Variants in B3GNT2 observed in about 807,000 individuals in gnomAD.
The protein encoded by B3GNT2 is N-acetyllactosaminide beta-1,3-N-acetylglucosaminyltransferase 2.
A neutral mutation model predicts 27.6 loss-of-function variants in B3GNT2; 12 were observed. That is an observed-to-expected ratio of 0.44 (90% CI 0.28 to 0.71). The LOEUF (loss-of-function observed/expected upper bound fraction) is 0.71, where lower values mean the gene tolerates loss of function less well. Ranked by LOEUF, B3GNT2 falls within the 30% of genes least tolerant of loss-of-function variation. The probability of loss-of-function intolerance (pLI) is 0.17; values close to 1 mark genes in which losing one functional copy is unlikely to be tolerated. For missense variants in B3GNT2, 413 were observed against 488.5 expected, an observed-to-expected ratio of 0.85 and a Z score of 1.46; for synonymous variants, 192 against 189.7, an observed-to-expected ratio of 1.01 and a Z score of -0.10.
intron 1 of B3GNT2, among the ~76,000 whole-genome samples, chr2:62,209,368 T>C (rs1674438277): frequency 6.6e-6 from 1 of 152,030 alleles, no homozygotes; most frequent in South Asian, 2.1e-4. Context: ...AAAAGAGATA[T>C]TAGAGTGGAT....
intron 1 of B3GNT2, among the ~76,000 whole-genome samples, chr2:62,216,515 C>T (rs575165344): frequency 1.4e-3 from 220 of 152,182 alleles, no homozygotes; most frequent in African/African-American, 5.1e-3. Flanking sequence ...AAGCAGCCCT[C>T]CCACCTCAGC....
intron 1 of B3GNT2, among the ~76,000 whole-genome samples, chr2:62,202,701 C>G (rs1674292043): frequency 6.6e-6 from 1 of 152,176 alleles, no homozygotes; most frequent in Admixed American, 6.5e-5. Flanking sequence ...TTGCCCCCTA[C>G]CAGTTTCTCT....
chr2:62,215,776 G>A (rs539429202), intron 1 of B3GNT2, among the ~76,000 whole-genome samples: 2 of 152,324 alleles, frequency 1.3e-5, no homozygotes, highest in South Asian at 4.1e-4. Flanking sequence ...ACAGGAACCA[G>A]GATGCCCTCT....
intron 1 of B3GNT2, among the ~76,000 whole-genome samples, chr2:62,197,275 C>T (rs1674171117): frequency 6.6e-6 from 1 of 152,182 alleles, no homozygotes; most frequent in Non-Finnish European, 1.5e-5. Context: ...ACCGAGTCAC[C>T]CGGTTAATTT....
intron 1 of B3GNT2, among the ~76,000 whole-genome samples, chr2:62,208,227 C>G (rs574842500): frequency 8.6e-6 from 1 of 116,606 alleles, no homozygotes; most frequent in Non-Finnish European, 1.8e-5. Context: ...TTCCTTTCCC[C>G]CTTCCTTCCC....
At chr2:62,219,401 C>T (rs1674639787) in intron 1 of B3GNT2, among the ~76,000 whole-genome samples, 1 of 152,210 alleles carries the variant, frequency 6.6e-6, no homozygotes. Flanking sequence ...CAACCTCAGC[C>T]TCCCAAGTAG....
chr2:62,211,512 T>G (rs1201632402), intron 1 of B3GNT2, among the ~76,000 whole-genome samples: 1 of 152,186 alleles, frequency 6.6e-6, no homozygotes, highest in African/African-American at 2.4e-5. Context: ...CCAACTAAAG[T>G]TGTAATCAAT....
rs1466653622 is a variant in B3GNT2 at position 62,224,092 on chromosome 2, G to T, written c.*678G>T. 6.0e-6 allele frequency: 1 copy of T among 167,018 alleles called. No individual in the cohort carries two copies. The highest frequency in any genetic ancestry group is 6.6e-5 in the Admixed American group (1 of 15,266). 10.3% of individuals were successfully genotyped at this position (167,018 alleles called of 1,614,324 possible). On this transcript the variant is annotated 3_prime_UTR_variant, in exon 2 of 2. Transcript: ENST00000301998. ...AGAGGGTTTAATTTTTCTTGTATTT[G>T]GTTTCCTGGTGGTATCATAGTGTAA...
At chr2:62,196,789 A>G (rs1357984245) in intron 1 of B3GNT2, among the ~76,000 whole-genome samples, 5 of 151,570 alleles carry the variant, frequency 3.3e-5, no homozygotes, top group African/African-American at 1.2e-4. Flanking sequence ...GGGCCTCCTC[A>G]TCCGGGGCGC....
chr2:62,196,762 A>G (rs984408262), intron 1 of B3GNT2, among the ~76,000 whole-genome samples: 2 of 151,798 alleles, frequency 1.3e-5, no homozygotes, highest in African/African-American at 4.8e-5. Flanking sequence ...GGGCTTTGGC[A>G]AGGGGCATCT....
rs1186478597 is a variant in B3GNT2 at position 62,196,284 on chromosome 2, C to G, written c.-81C>G. ...GCCGGGCTGAGCCGCGCGGAGCGGC[C>G]GGGACGTGGATGTGGCCGCGATCTC... On this transcript the variant is annotated 5_prime_UTR_variant, in exon 1 of 2. Transcript: ENST00000301998. The G allele has an allele frequency of 1.3e-5, 2 of 152,046 alleles. No individual in the cohort carries two copies. Among genetic ancestry groups the G allele is most frequent in the Non-Finnish European group, 2.9e-5 (2 of 68,046 alleles). 9.4% of individuals were successfully genotyped at this position (152,046 alleles called of 1,614,324 possible).
At chr2:62,218,274 C>A (rs1674614576) in intron 1 of B3GNT2, among the ~76,000 whole-genome samples, 1 of 152,210 alleles carries the variant, frequency 6.6e-6, no homozygotes, top group South Asian at 2.1e-4. Flanking sequence ...AGTTCTCATG[C>A]AAGACACTGT....
Position 62,221,012 on chromosome 2 carries a change from G to GT in B3GNT2, c.-9-1197dup, listed in dbSNP as rs563652232. 5.3e-4 allele frequency among the ~76,000 whole-genome samples: 81 copies of GT among 152,120 alleles called. 1 individual carries two copies. Among genetic ancestry groups the GT allele is most frequent in the African/African-American group, 1.8e-3 (75 of 41,494 alleles). Reference sequence around the variant, plus strand: ...TAGAGATCTTAAATATACACTTCAGGTTTGACATATGCATACATCCGTGGA... The same window carrying GT: ...TAGAGATCTTAAATATACACTTCAGGTTTTGACATATGCATACATCCGTGGA... On this transcript the variant is annotated intron_variant, in intron 1 of 1. Coordinates refer to ENST00000301998, the MANE Select transcript of B3GNT2 (RefSeq NM_006577.6).
intron 1 of B3GNT2, among the ~76,000 whole-genome samples, chr2:62,199,228 C>A (rs185365939): frequency 6.6e-6 from 1 of 152,214 alleles, no homozygotes; most frequent in East Asian, 1.9e-4. Context: ...CGTAAGCCAC[C>A]GCGCCTGGCC....
At chr2:62,216,476 G>A (rs946233276) in intron 1 of B3GNT2, among the ~76,000 whole-genome samples, 1 of 151,690 alleles carries the variant, frequency 6.6e-6, no homozygotes, top group Non-Finnish European at 1.5e-5. Flanking sequence ...TACAATCTCA[G>A]CTCACTGCTG....
chr2:62,214,880 A>T (rs1674543476), intron 1 of B3GNT2, among the ~76,000 whole-genome samples: 1 of 152,090 alleles, frequency 6.6e-6, no homozygotes, highest in South Asian at 2.1e-4. Flanking sequence ...AACGTCTGCT[A>T]CCCTTATTTT....
chr2:62,201,272 C>T (rs1204615299), intron 1 of B3GNT2, among the ~76,000 whole-genome samples: 1 of 152,206 alleles, frequency 6.6e-6, no homozygotes, highest in Non-Finnish European at 1.5e-5. Flanking sequence ...CATTTCCTCT[C>T]TAAAGACAGT....
chr2:62,218,865 C>G (rs1674626045), intron 1 of B3GNT2, among the ~76,000 whole-genome samples: 1 of 152,168 alleles, frequency 6.6e-6, no homozygotes, highest in Admixed American at 6.5e-5. Flanking sequence ...TTCATTAGTC[C>G]CTGTGTCTTG....
intron 1 of B3GNT2, among the ~76,000 whole-genome samples, chr2:62,217,688 C>T (rs540184064): frequency 9.2e-5 from 14 of 152,294 alleles, no homozygotes; most frequent in East Asian, 1.9e-4. Context: ...CAGCGTGCGG[C>T]GGAAGAGGCT....
Sources: gnomAD v4.1 joint callset for allele counts (sites outside exome capture counted in the v4.1 genomes callset) on GRCh38, gnomAD v4.1.1 for gene constraint, MANE v1.5 for transcripts, NCBI Gene and HGNC (gene_info 2026-07-23, HGNC 2026-07-21) for gene names.